PPP2R1B: variants seen among roughly 807,000 people sequenced by gnomAD.
PPP2R1B encodes protein phosphatase 2 scaffold subunit Abeta, also known as serine/threonine-protein phosphatase 2A 65 kDa regulatory subunit A beta isoform.
A neutral mutation model predicts 72.7 loss-of-function variants in PPP2R1B; 58 were observed. The observed-to-expected ratio is 0.80, with a 90% confidence interval of 0.65 to 0.99. PPP2R1B has a LOEUF of 0.99. PPP2R1B is among the 50% of genes least tolerant of loss of function. The probability of loss-of-function intolerance (pLI) is 0.00; values close to 1 mark genes in which losing one functional copy is unlikely to be tolerated. For missense variants in PPP2R1B, 695 were observed against 733.6 expected (o/e 0.95, Z 0.61); for synonymous variants, 256 against 264.6 (o/e 0.97, Z 0.32).
rs140875670 is a variant in PPP2R1B at position 111,738,515 on chromosome 11, C to T, written c.*3081G>A. ...ACAGGCTTGCTTCCCTGGAAGTCTA[C>T]GCAAGCAACCTGAATGCCTGGACAA... On this transcript the variant is annotated 3_prime_UTR_variant, in exon 15 of 15. Coordinates refer to ENST00000527614, the MANE Select transcript of PPP2R1B (RefSeq NM_002716.5). The T allele has an allele frequency of 6.5e-4, 644 of 985,446 alleles. 3 individuals carry two copies. In the African/African-American group the frequency reaches 0.011, roughly 16 times the overall value. The allele number at this position is 985,446 out of a possible 1,614,324, so 61.0% of individuals were successfully genotyped here.
At chr11:111,730,513 T>C (rs1189351375) in intron 15 of PPP2R1B, 1 of 151,988 alleles carries the variant, frequency 6.6e-6, no homozygotes, top group Non-Finnish European at 1.5e-5. Context: ...TGAAGGGAGG[T>C]GGGTGGTTTT....
intron 10 of PPP2R1B, among the ~76,000 whole-genome samples, chr11:111,751,663 T>G (rs1252878128): frequency 2.0e-5 from 3 of 152,204 alleles, no homozygotes; most frequent in Non-Finnish European, 4.4e-5. Flanking sequence ...ATACTCAACC[T>G]ATACCTTTTT....
intron 12 of PPP2R1B, 99 bp downstream of exon 12, chr11:111,743,277 T>C (rs1565439712): frequency 8.4e-7 from 1 of 1,186,768 alleles, no homozygotes; most frequent in South Asian, 1.5e-5. Flanking sequence ...ACAAGACATA[T>C]ATTCCAAATA....
chr11:111,734,759 G>T (rs1008934307), downstream of PPP2R1B, among the ~76,000 whole-genome samples: 10 of 152,208 alleles, frequency 6.6e-5, no homozygotes, highest in African/African-American at 2.4e-4. Context: ...CAAGAGGTTG[G>T]CCCTTAAGGA....
chr11:111,703,569 ATTT>A, the PPP2R1B span: 1 of 669,284 alleles, frequency 1.5e-6, no homozygotes, highest in Non-Finnish European at 2.5e-6. Context: ...ATCAGACTCT[ATTT>A]ATATTTGCTT....
chr11:111,743,367 T>C lies in PPP2R1B; in HGVS notation c.1554+9A>G, dbSNP rs762271553. Reference sequence around the variant, plus strand: ...TTAAGCTTAGCAATAACAGTTATGTTATACTTACATTAATGCAGAATAAAG... The same window carrying C: ...TTAAGCTTAGCAATAACAGTTATGTCATACTTACATTAATGCAGAATAAAG... On this transcript the variant is annotated intron_variant, in intron 12 of 14. Transcript: ENST00000527614. 2 of 1,597,344 alleles carry C rather than the reference T, an allele frequency of 1.3e-6. No homozygotes were observed. Among genetic ancestry groups the C allele is most frequent in the Non-Finnish European group, 1.7e-6 (2 of 1,168,750 alleles).
chr11:111,694,638 G>GT, the PPP2R1B span, among the ~76,000 whole-genome samples: 2 of 152,114 alleles, frequency 1.3e-5, no homozygotes, highest in African/African-American at 2.4e-5. Flanking sequence ...AATATTTATT[G>GT]TAAGTCTTCC....
At chr11:111,754,871 C>A in intron 7 of PPP2R1B, 109 bp downstream of exon 7, 1 of 1,004,148 alleles carries the variant, frequency 1.0e-6, no homozygotes, top group East Asian at 2.5e-5. Context: ...AAAAACATCC[C>A]TATGTATTTT....
At chr11:111,714,001 A>C in the PPP2R1B span, among the ~76,000 whole-genome samples, 1 of 152,190 alleles carries the variant, frequency 6.6e-6, no homozygotes, top group Admixed American at 6.5e-5. Context: ...TCAGTCCTTT[A>C]AGGAAGTATA....
the PPP2R1B span, among the ~76,000 whole-genome samples, chr11:111,719,360 T>A: frequency 1.4e-4 from 1 of 6,992 alleles, no homozygotes. Flanking sequence ...CTACCCCTTT[T>A]TTTTTTTTTT....
At position 111,730,462 on chromosome 11, in the gene PPP2R1B, ATC is replaced by A. The variant is rs1944150099; in HGVS notation, c.1912-3407_1912-3406del. On this transcript the variant is annotated intron_variant, in intron 15 of 15. Transcript: ENST00000311129. ...TGAGAAATAAAAGGGATACAGAGAT[ATC>A]TGCACTTTGTAGAAAGGGCAAGATT... 2.0e-5 allele frequency: 3 copies of A among 152,378 alleles called. No individual in the cohort carries two copies. In the South Asian group the frequency reaches 6.2e-4, roughly 32 times the overall value. The allele number at this position is 152,378 out of a possible 1,614,324, so 9.4% of individuals were successfully genotyped here. A position where few individuals can be genotyped will look rare whatever the true frequency, so the allele number is the denominator to read the frequency against.
chr11:111,711,275 C>T, the PPP2R1B span, among the ~76,000 whole-genome samples: 2 of 152,068 alleles, frequency 1.3e-5, no homozygotes, highest in African/African-American at 4.8e-5. Context: ...CCCGCCACCA[C>T]ACCCAGCTAA....
At chr11:111,715,793 C>CTTTTTTTTTTTTTTTTTTT in the PPP2R1B span, among the ~76,000 whole-genome samples, 2 of 81,580 alleles carry the variant, frequency 2.5e-5, no homozygotes, top group African/African-American at 4.9e-5. Flanking sequence ...TCATTTTTAG[C>CTTTTTTTTTTTTTTTTTTT]TTTTTTTTTT....
At chr11:111,704,104 G>A in the PPP2R1B span, among the ~76,000 whole-genome samples, 6 of 152,302 alleles carry the variant, frequency 3.9e-5, no homozygotes, top group South Asian at 1.2e-3. Flanking sequence ...CAAGGCTCCG[G>A]GCTGTGCTGC....
In PPP2R1B at chr11:111,738,102, G is replaced by C. The variant is rs2136029690; in HGVS notation, c.*3494C>G. ...GAGACATGCGAGGGAAGAGGAAAGA[G>C]GAGAGTAAGGAACTGGATGGAAACA... On this transcript the variant is annotated 3_prime_UTR_variant, in exon 15 of 15. Transcript: ENST00000527614. 1.0e-6 allele frequency: 1 copy of C among 989,506 alleles called. No homozygotes were observed. The highest frequency in any genetic ancestry group is 1.7e-5 in the African/African-American group (1 of 57,460). 61.3% of individuals were successfully genotyped at this position (989,506 alleles called of 1,614,324 possible).
At chr11:111,760,021 G>A (rs1488856247) in intron 4 of PPP2R1B, 70 bp from the exon 5 acceptor site, 1 of 1,482,688 alleles carries the variant, frequency 6.7e-7, no homozygotes. Context: ...CATACACACA[G>A]ACAGACTTTT....
intron 5 of PPP2R1B, among the ~76,000 whole-genome samples, chr11:111,757,063 G>A (rs997149817): frequency 4.0e-5 from 6 of 150,558 alleles, no homozygotes; most frequent in Non-Finnish European, 8.9e-5. Flanking sequence ...GCAGTGAGCC[G>A]AGATCGCGCC....
At chr11:111,766,215 TC>T (rs1167973804) in intron 1 of PPP2R1B, 32 bp downstream of exon 1, 103 of 1,607,500 alleles carry the variant, frequency 6.4e-5, no homozygotes, top group Non-Finnish European at 8.6e-5. Context: ...GACCAGCCGG[TC>T]TCGCCTCGGG....
rs554564263 is a variant in PPP2R1B at position 111,766,325 on chromosome 11, C to T, written c.37G>A (p.Ala13Thr). The part of the protein sequence containing the change: ...GASELGTGPG[A>T]AGGDGDDSLY... ...GAATCATCTCCATCTCCACCCGCTG[C>T]TCCTGGGCCGGTCCCGAGCTCTGAT... Residue 13 changes from alanine (A) to threonine (T), a missense_variant, in exon 1 of 15, where the codon GCA becomes ACA. By Grantham distance (58) the Ala-to-Thr change is moderately conservative. Transcript: ENST00000527614. 1.3e-6 allele frequency: 2 copies of T among 1,554,086 alleles called. No homozygotes were observed. Among genetic ancestry groups the T allele is most frequent in the East Asian group, 2.3e-5 (1 of 43,786 alleles).
Sources: allele counts gnomAD v4.1 joint callset (sites outside exome capture counted in the v4.1 genomes callset), GRCh38; gene constraint gnomAD v4.1.1; transcripts MANE v1.5; gene names NCBI Gene and HGNC (gene_info 2026-07-23, HGNC 2026-07-21).